Variants in SLC29A3 observed in about 807,000 individuals in gnomAD.
SLC29A3 encodes equilibrative nucleoside transporter 3.
In SLC29A3, 18 loss-of-function variants were observed where a neutral mutation model predicts 25.4. That is an observed-to-expected ratio of 0.71 (90% CI 0.49 to 1.05). The LOEUF is 1.05. Ranked by LOEUF, SLC29A3 falls within the 50% of genes least tolerant of loss-of-function variation. The pLI, the probability that SLC29A3 is intolerant of heterozygous loss-of-function variation, is 0.00. For missense variants in SLC29A3, 586 were observed against 609.0 expected (o/e 0.96, Z 0.40); for synonymous variants, 258 against 267.1 (o/e 0.97, Z 0.33).
intron 1 of SLC29A3, 139 bp downstream of exon 1, chr10:71,319,449 C>T: frequency 2.2e-6 from 1 of 460,850 alleles, no homozygotes; most frequent in South Asian, 3.5e-5. Context: ...ATCCGTGGTC[C>T]CTTCCCCACC....
chr10:71,362,604 T>C lies in SLC29A3; in HGVS notation c.1424T>C (p.Ile475Thr), dbSNP rs1564543743. The C allele has an allele frequency of 1.2e-6, 2 of 1,614,104 alleles. No individual in the cohort carries two copies. The highest frequency in any genetic ancestry group is 2.2e-5 in the East Asian group (1 of 44,862). Reference sequence around the variant, plus strand: ...TGCTCTACCCTCCTGGTGCACCTCATCTAGAAGGGAGGACACAAGGACATT... The same window carrying C: ...TGCTCTACCCTCCTGGTGCACCTCACCTAGAAGGGAGGACACAAGGACATT... Reference protein sequence around the residue: ...SACSTLLVHLI With the variant: ...SACSTLLVHLT Residue 475 changes from isoleucine to threonine, a missense_variant, in exon 6 of 6, where the codon ATC becomes ACC. Physicochemically the swap from Ile to Thr is moderately conservative, Grantham distance 89 (BLOSUM62 -1). Coordinates refer to ENST00000373189, the MANE Select transcript of SLC29A3 (RefSeq NM_018344.6).
downstream of SLC29A3, among the ~76,000 whole-genome samples, chr10:71,363,924 C>T (rs1364966976): frequency 6.6e-6 from 1 of 150,838 alleles, no homozygotes; most frequent in African/African-American, 2.4e-5. Context: ...GTGTAGGAAC[C>T]CCAGGGGGTT....
chr10:71,326,820 C>A (rs1006746807), intron 2 of SLC29A3, among the ~76,000 whole-genome samples: 1 of 152,230 alleles, frequency 6.6e-6, no homozygotes, highest in Admixed American at 6.5e-5. Context: ...TTCAGCTGCC[C>A]GGAGCTCCTG....
At chr10:71,378,757 G>A (rs368853210) in intron 4 of SLC29A3, among the ~76,000 whole-genome samples, 1 of 152,208 alleles carries the variant, frequency 6.6e-6, no homozygotes. Context: ...GTTCCCCAGA[G>A]CTCCCTTATG....
At chr10:71,323,845 A>G (rs1400452725) in intron 2 of SLC29A3, among the ~76,000 whole-genome samples, 1 of 152,174 alleles carries the variant, frequency 6.6e-6, no homozygotes, top group East Asian at 1.9e-4. Flanking sequence ...GCAGAATGGG[A>G]GGAAAGTTCA....
chr10:71,320,534 C>T (rs1475412566), intron 1 of SLC29A3, among the ~76,000 whole-genome samples: 1 of 152,172 alleles, frequency 6.6e-6, no homozygotes, highest in Non-Finnish European at 1.5e-5. Context: ...ATGGCTTTTC[C>T]TCTATGAGTG....
downstream of SLC29A3, chr10:71,364,356 A>G (rs1207186652): frequency 1.3e-5 from 2 of 152,190 alleles, no homozygotes; most frequent in African/African-American, 4.8e-5. Context: ...TCAAAAGACG[A>G]CGCCCAGGTT....
intron 1 of SLC29A3, among the ~76,000 whole-genome samples, chr10:71,320,438 G>A (rs1845822452): frequency 6.6e-6 from 1 of 151,996 alleles, no homozygotes; most frequent in East Asian, 1.9e-4. Context: ...GCTGGGAAGG[G>A]CAAGATCAAG....
intron 1 of SLC29A3, 197 bp downstream of exon 1, chr10:71,319,507 C>T: frequency 4.7e-6 from 2 of 423,294 alleles, no homozygotes; most frequent in Admixed American, 8.9e-5. Context: ...TTCTGGGTCT[C>T]TATCTTCTCT....
At chr10:71,329,489 C>A (rs1047651924) in intron 2 of SLC29A3, among the ~76,000 whole-genome samples, 2 of 151,694 alleles carry the variant, frequency 1.3e-5, no homozygotes, top group African/African-American at 2.4e-5. Flanking sequence ...GAAAATACCC[C>A]ACATCCCACG....
intron 3 of SLC29A3, among the ~76,000 whole-genome samples, chr10:71,374,114 A>G (rs1328636125): frequency 6.6e-6 from 1 of 152,174 alleles, no homozygotes; most frequent in Admixed American, 6.5e-5. Flanking sequence ...CTCCATTTGT[A>G]TTATTGTCCT....
chr10:71,337,093 C>A (rs1846272822), intron 2 of SLC29A3, among the ~76,000 whole-genome samples: 1 of 152,218 alleles, frequency 6.6e-6, no homozygotes, highest in African/African-American at 2.4e-5. Context: ...CCTCTGGCCT[C>A]CCCTTCAGCC....
intron 2 of SLC29A3, among the ~76,000 whole-genome samples, chr10:71,335,382 G>A (rs1038879672): frequency 2.0e-5 from 3 of 152,216 alleles, no homozygotes; most frequent in Non-Finnish European, 2.9e-5. Context: ...GGAGCCAAGC[G>A]AGGGGACAAT....
At position 71,360,967 on chromosome 10, in the gene SLC29A3, A is replaced by C. The variant is rs966781975; in HGVS notation, c.774-987A>C. 3.3e-5 allele frequency among the ~76,000 whole-genome samples: 5 copies of C among 152,382 alleles called. No homozygotes were observed. In the South Asian group the frequency reaches 1.0e-3, roughly 32 times the overall value. On this transcript the variant is annotated intron_variant, in intron 5 of 5. Coordinates refer to ENST00000373189, the MANE Select transcript of SLC29A3 (RefSeq NM_018344.6). ...GTTATGCATGATTTAGGCAGTTAGT[A>C]TAAGGCATTTATATATATTATTTAC...
Position 71,319,309 on chromosome 10 carries a change from C to T in SLC29A3, c.-1C>T, listed in dbSNP as rs1230870365. 7 of 647,616 alleles carry T rather than the reference C, an allele frequency of 1.1e-5. No individual in the cohort carries two copies. The highest frequency in any genetic ancestry group is 7.0e-5 in the Admixed American group (3 of 42,914). 40.1% of individuals were successfully genotyped at this position (647,616 alleles called of 1,614,324 possible). A position where few individuals can be genotyped will look rare whatever the true frequency, so the allele number is the denominator to read the frequency against. On this transcript the variant is annotated splice_region_variant and 5_prime_UTR_variant, in exon 1 of 6. Coordinates refer to ENST00000373189, the MANE Select transcript of SLC29A3 (RefSeq NM_018344.6). The stretch of plus-strand genomic sequence containing the variant: ...CAGCGGCGGCGTGGCGCAGCGGCGA[C>T]AGTAAGTGCGGGCCGGCTCGGGCTC...
chr10:71,369,996 CAG>C (rs1390923032), intron 3 of SLC29A3, among the ~76,000 whole-genome samples: 6 of 152,170 alleles, frequency 3.9e-5, no homozygotes, highest in Non-Finnish European at 7.3e-5. Flanking sequence ...GGGGGAGAAG[CAG>C]AGTCAGGATG....
intron 3 of SLC29A3, among the ~76,000 whole-genome samples, chr10:71,344,949 C>T (rs746464433): frequency 6.6e-6 from 1 of 152,200 alleles, no homozygotes; most frequent in East Asian, 1.9e-4. Context: ...CTGCTGTTCG[C>T]CATGGCCTAC....
At chr10:71,376,318 T>A (rs1388701975) in intron 4 of SLC29A3, among the ~76,000 whole-genome samples, 3 of 152,216 alleles carry the variant, frequency 2.0e-5, no homozygotes, top group African/African-American at 7.2e-5. Flanking sequence ...CTCTTGTCAA[T>A]CCTCACAGGA....
At chr10:71,367,091 C>T (rs1266694820), downstream of SLC29A3, among the ~76,000 whole-genome samples, 2 of 152,148 alleles carry the variant, frequency 1.3e-5, no homozygotes, top group Non-Finnish European at 1.5e-5. Flanking sequence ...GGGGGTCTCT[C>T]ATGCTGTGTT....
Sources: gnomAD v4.1 joint callset for allele counts (sites outside exome capture counted in the v4.1 genomes callset) on GRCh38, gnomAD v4.1.1 for gene constraint, MANE v1.5 for transcripts, NCBI Gene and HGNC (gene_info 2026-07-23, HGNC 2026-07-21) for gene names.